PALMD: variants seen among roughly 807,000 people sequenced by gnomAD.
PALMD encodes palmdelphin.
PALMD carries 42 observed loss-of-function variants against 56.2 expected under a neutral mutation model. The observed-to-expected ratio is 0.75, with a 90% CI of 0.58 to 0.97. PALMD has a LOEUF of 0.97. Ranked by LOEUF, PALMD falls within the 50% of genes least tolerant of loss-of-function variation. The pLI is 0.00. For synonymous variants in PALMD, 242 were observed against 222.9 expected (o/e 1.09, Z -0.76); for missense variants, 660 against 643.8 (o/e 1.03, Z -0.27).
At position 99,660,403 on chromosome 1, in the gene PALMD, G is replaced by A. The variant is rs142583453; in HGVS notation, c.46-1916G>A. Among the ~76,000 whole-genome samples, 693 of 152,242 alleles carry A rather than the reference G, an allele frequency of 4.6e-3. 4 individuals are homozygous for A. Among genetic ancestry groups the A allele is most frequent in the African/African-American group, 0.016 (644 of 41,538 alleles). On this transcript the variant is annotated intron_variant, in intron 1 of 7. Coordinates refer to ENST00000263174, the MANE Select transcript of PALMD (RefSeq NM_017734.5). ...AAATTTCCATTTCCTTTTTTCAAATGGAAATTAGCATAGTATCTCTTTGTT... is the reference window on the plus strand; with the variant it reads ...AAATTTCCATTTCCTTTTTTCAAATAGAAATTAGCATAGTATCTCTTTGTT...
Position 99,689,891 on chromosome 1 carries a change from C to T in PALMD, c.1612+19C>T, listed in dbSNP as rs1378114934. ...TTAACAGGTAATAAAAATGACAAGG[C>T]ATGCCACTGCTGTTCAGTCATGTGA... On this transcript the variant is annotated intron_variant, in intron 7 of 7. Transcript: ENST00000263174. The T allele has an allele frequency of 2.5e-6, 4 of 1,570,368 alleles. No individual in the cohort carries two copies. The highest frequency in any genetic ancestry group is 1.8e-5 in the Admixed American group (1 of 55,502).
intron 6 of PALMD, among the ~76,000 whole-genome samples, chr1:99,688,456 G>A (rs1653563688): frequency 6.7e-6 from 1 of 150,090 alleles, no homozygotes; most frequent in Admixed American, 6.6e-5. Context: ...TTTATTAATA[G>A]GAAAGAGGAT....
chr1:99,689,077 C>T lies in PALMD; in HGVS notation c.817C>T (p.Gln273Ter), dbSNP rs758136345. 3 of 1,613,520 alleles carry T rather than the reference C, an allele frequency of 1.9e-6. No homozygotes were observed. In the East Asian group the frequency reaches 6.7e-5, roughly 36 times the overall value. The change falls in exon 7 of 8, where the codon CAG becomes TAG. Residue 273 changes from glutamine (Q) to a stop codon, truncating the protein, a stop_gained. Transcript: ENST00000263174. LOFTEE classifies it high-confidence loss of function. ...ANPFYRPTTP[Q>*]RETVTPGPNF... The stretch of plus-strand genomic sequence containing the variant: ...TCCCTTTTACAGGCCTACAACCCCA[C>T]AGAGAGAAACGGTGACCCCTGGACC...
intron 1 of PALMD, among the ~76,000 whole-genome samples, chr1:99,651,714 A>G (rs1017437290): frequency 6.6e-6 from 1 of 152,244 alleles, no homozygotes; most frequent in African/African-American, 2.4e-5. Context: ...TGGCATGCAC[A>G]TTTTCCTAAA....
At chr1:99,649,367 G>C (rs1652516102) in intron 1 of PALMD, among the ~76,000 whole-genome samples, 1 of 152,136 alleles carries the variant, frequency 6.6e-6, no homozygotes, top group Non-Finnish European at 1.5e-5. Context: ...TTCTACAAAA[G>C]GTGAGCTAAT....
chr1:99,671,700 C>T (rs771517032), intron 3 of PALMD, among the ~76,000 whole-genome samples: 6 of 152,060 alleles, frequency 3.9e-5, no homozygotes, highest in Admixed American at 6.6e-5. Flanking sequence ...GTCTAGAATG[C>T]TACCATAGAG....
At chr1:99,656,792 A>G (rs12086363) in intron 1 of PALMD, among the ~76,000 whole-genome samples, 1,590 of 152,284 alleles carry the variant, frequency 0.01, 27 homozygotes, top group African/African-American at 0.037. Flanking sequence ...GCTACTAAAT[A>G]CCTTTCTAAG....
At chr1:99,646,416 A>G in intron 1 of PALMD, 54 bp downstream of exon 1, 2 of 1,414,982 alleles carry the variant, frequency 1.4e-6, no homozygotes, top group South Asian at 2.3e-5. Context: ...AGGAAGGCAG[A>G]CCGTGGCCGG....
intron 3 of PALMD, among the ~76,000 whole-genome samples, chr1:99,678,966 T>TAAAA (rs34330678): frequency 1.6e-4 from 23 of 140,616 alleles, no homozygotes; most frequent in African/African-American, 5.8e-4. Context: ...CCTTGACTCT[T>TAAAA]AAAAAAAAAA....
chr1:99,665,394 T>A (rs1205742355), intron 2 of PALMD, among the ~76,000 whole-genome samples: 1 of 152,196 alleles, frequency 6.6e-6, no homozygotes, highest in Non-Finnish European at 1.5e-5. Context: ...CTCTTTTGAT[T>A]ACTACAGTAT....
At chr1:99,667,333 TG>T (rs1652987666) in intron 2 of PALMD, among the ~76,000 whole-genome samples, 1 of 152,172 alleles carries the variant, frequency 6.6e-6, no homozygotes, top group African/African-American at 2.4e-5. Context: ...GGCATGGTTC[TG>T]AAGACAGAAA....
intron 3 of PALMD, among the ~76,000 whole-genome samples, chr1:99,679,412 G>A (rs17120887): frequency 1.7e-4 from 26 of 152,068 alleles, no homozygotes; most frequent in African/African-American, 4.6e-4. Flanking sequence ...GAAGGAGACC[G>A]TTCTAAGAAC....
At chr1:99,691,472 G>A (rs965536507) in intron 7 of PALMD, among the ~76,000 whole-genome samples, 1 of 152,120 alleles carries the variant, frequency 6.6e-6, no homozygotes, top group Non-Finnish European at 1.5e-5. Context: ...ACAGAGTTCT[G>A]TATTATCAAT....
intron 3 of PALMD, 143 bp downstream of exon 3, chr1:99,667,909 C>A (rs2100862443): frequency 1.4e-6 from 1 of 718,354 alleles, no homozygotes; most frequent in Non-Finnish European, 2.3e-6. Flanking sequence ...GGCACGCTTT[C>A]ACACTGTCAC....
chr1:99,679,916 G>A (rs1571071334), intron 3 of PALMD, among the ~76,000 whole-genome samples: 1 of 152,320 alleles, frequency 6.6e-6, no homozygotes, highest in African/African-American at 2.4e-5. Context: ...CTGTAAGGAC[G>A]AAATAGGCCA....
At chr1:99,682,432 G>A (rs563734253) in intron 3 of PALMD, among the ~76,000 whole-genome samples, 35 of 152,070 alleles carry the variant, frequency 2.3e-4, no homozygotes, top group Non-Finnish European at 4.6e-4. Flanking sequence ...AGACCACAGC[G>A]ACTTATTAAT....
rs769740166 is a variant in PALMD, at chr1:99,689,236, G to A, written c.976G>A (p.Val326Met). ...CAATCACATCAGTCCCATTCCGCCA[G>A]TGCCTCATCCCCGATCAGTGATTCA... ...NFNHISPIPP[V>M]PHPRSVIQQA... The change falls in exon 7 of 8, where the codon GTG (valine) becomes ATG (methionine). Residue 326 changes from valine to methionine, a missense_variant. By Grantham distance (21) the Val-to-Met change is conservative (BLOSUM62 1). Transcript: ENST00000263174. 3.7e-6 allele frequency: 6 copies of A among 1,613,544 alleles called. No individual in the cohort carries two copies. In the Admixed American group the frequency reaches 8.3e-5, roughly 22 times the overall value.
At chr1:99,667,471 C>T in intron 2 of PALMD, 171 bp from the exon 3 acceptor site, 1 of 646,144 alleles carries the variant, frequency 1.5e-6, no homozygotes, top group Non-Finnish European at 2.8e-6. Context: ...TGAATACAGT[C>T]AAGAAGGTTA....
At chr1:99,652,206 C>T (rs546119351) in intron 1 of PALMD, among the ~76,000 whole-genome samples, 14 of 152,190 alleles carry the variant, frequency 9.2e-5, no homozygotes, top group Non-Finnish European at 1.6e-4. Flanking sequence ...AGTCAAATGT[C>T]GGAACTTGAA....
Sources: gnomAD v4.1 joint callset for allele counts (sites outside exome capture counted in the v4.1 genomes callset) on GRCh38, gnomAD v4.1.1 for gene constraint, MANE v1.5 for transcripts, NCBI Gene and HGNC (gene_info 2026-07-23, HGNC 2026-07-21) for gene names.